Variants in PADI4 observed in about 807,000 individuals in gnomAD.
PADI4 encodes the protein protein-arginine deiminase type-4.
A neutral mutation model predicts 75.0 loss-of-function variants in PADI4; 62 were observed. The ratio of observed to expected loss-of-function variants is 0.83; its 90% CI spans 0.67 to 1.02. The LOEUF (loss-of-function observed/expected upper bound fraction) is 1.02. PADI4 is among the 50% of genes least tolerant of loss of function. The pLI, the probability that PADI4 is intolerant of heterozygous loss-of-function variation, is 0.00. For synonymous variants in PADI4, 361 were observed against 348.1 expected (o/e 1.04, Z -0.41); for missense variants, 845 against 850.5 (o/e 0.99, Z 0.08).
In PADI4 at chr1:17,346,175, C is replaced by T. The variant is rs1243852196; in HGVS notation, c.1047+36C>T. 8 of 1,416,570 alleles carry T rather than the reference C, an allele frequency of 5.6e-6. No individual in the cohort carries two copies. Among genetic ancestry groups the T allele is most frequent in the Non-Finnish European group, 8.0e-6 (8 of 1,002,522 alleles). The allele number at this position is 1,416,570 out of a possible 1,614,324, so 87.8% of individuals were successfully genotyped here. A position where few individuals can be genotyped will look rare whatever the true frequency, so the allele number is the denominator to read the frequency against. On this transcript the variant is annotated intron_variant, in intron 9 of 15. Transcript: ENST00000375448. The surrounding 1 kb of genome is among the most constrained non-coding windows in gnomAD (Gnocchi z 4.3). ...TGCGGGGCAGGCAGGGTGACTGTCC[C>T]TGAGGGCCAAGAGACACTTGGGGGA...
In PADI4 at chr1:17,347,991, G is replaced by A; in HGVS notation, c.1098G>A (p.Val366=). The change falls in exon 10 of 16, where the codon GTG becomes GTA. Residue 366 remains valine, a synonymous_variant. Transcript: ENST00000375448. Reference sequence around the variant, plus strand: ...AAGCCCCACACAAAACGCTGCCCGTGGTCTTCGACTCTCCAAGGAACAGAG... The same window carrying A: ...AAGCCCCACACAAAACGCTGCCCGTAGTCTTCGACTCTCCAAGGAACAGAG... The part of the protein sequence containing the change: ...YIQAPHKTLP[V]VFDSPRNRGL... The A allele has an allele frequency of 6.2e-7, 1 of 1,608,334 alleles. No individual in the cohort carries two copies. Among genetic ancestry groups the A allele is most frequent in the Non-Finnish European group, 8.5e-7 (1 of 1,176,370 alleles).
chr1:17,312,939 C>A (rs1436682433), intron 1 of PADI4, among the ~76,000 whole-genome samples: 2 of 151,148 alleles, frequency 1.3e-5, no homozygotes, highest in African/African-American at 4.9e-5. Flanking sequence ...CGCCTGTAAT[C>A]CCAACACTTT....
chr1:17,316,707 A>AATT (rs1489448760), intron 1 of PADI4, among the ~76,000 whole-genome samples: 293 of 148,216 alleles, frequency 2.0e-3, no homozygotes, highest in African/African-American at 4.1e-3. Flanking sequence ...ATAAATAAAT[A>AATT]AATTAATTAA....
intron 10 of PADI4, among the ~76,000 whole-genome samples, chr1:17,352,157 G>A (rs1303976179): frequency 1.3e-5 from 2 of 149,584 alleles, no homozygotes; most frequent in Non-Finnish European, 3.0e-5. Context: ...AGGCAATCAG[G>A]GAGGTGATGA....
At chr1:17,334,070 C>T (rs2100712463) in intron 3 of PADI4, 61 bp downstream of exon 3, 1 of 1,038,012 alleles carries the variant, frequency 9.6e-7, no homozygotes, top group Non-Finnish European at 1.5e-6. Context: ...CTAATCCCTG[C>T]AGGATGTCTC....
Position 17,354,567 on chromosome 1 carries a change from A to G in PADI4, c.1190A>G (p.Gln397Arg), listed in dbSNP as rs749643509. 1 of 1,614,120 alleles carries G rather than the reference A, an allele frequency of 6.2e-7. No individual in the cohort carries two copies. Among genetic ancestry groups the G allele is most frequent in the South Asian group, 1.1e-5 (1 of 91,076 alleles). ...TTTGGCTATGTAACTCGAGGGCCCC[A>G]AACAGGGGGTATCAGTGGACTGGAC... The part of the protein sequence containing the change: ...PDFGYVTRGP[Q>R]TGGISGLDSF... The change falls in exon 11 of 16, where the codon CAA becomes CGA. Residue 397 changes from glutamine to arginine, a missense_variant. Gln to Arg is a conservative substitution (Grantham distance 43). Transcript: ENST00000375448.
rs1453941972 is a variant in PADI4, at chr1:17,356,733, T to TGGA, written c.1558+280_1558+282dup. Among the ~76,000 whole-genome samples, 3 of 149,366 alleles carry TGGA rather than the reference T, an allele frequency of 2.0e-5. No individual in the cohort carries two copies. Among genetic ancestry groups the TGGA allele is most frequent in the Non-Finnish European group, 4.4e-5 (3 of 67,728 alleles). ...TGGATGGAGCTCAGGGAAGGCTTCTTGGAGGAGGCAGAGGCCAAGCAGTAG... is the reference window on the plus strand; with the variant it reads ...TGGATGGAGCTCAGGGAAGGCTTCTTGGAGGAGGAGGCAGAGGCCAAGCAGTAG... On this transcript the variant is annotated intron_variant, in intron 13 of 15. Coordinates refer to ENST00000375448, the MANE Select transcript of PADI4 (RefSeq NM_012387.3). This position sits in a 1 kb window ranked among gnomAD's most constrained non-coding sequence, Gnocchi z 4.1.
chr1:17,334,580 G>A (rs562753668), intron 3 of PADI4: 8 of 455,944 alleles, frequency 1.8e-5, no homozygotes, highest in South Asian at 1.1e-4. Flanking sequence ...TCGGATTACT[G>A]GCATGAACCA....
chr1:17,326,808 G>A lies in PADI4; in HGVS notation c.93-4161G>A, dbSNP rs561317685. 4.6e-5 allele frequency among the ~76,000 whole-genome samples: 7 copies of A among 151,594 alleles called. No homozygotes were observed. The East Asian group carries it at 1.2e-3, about 25-fold the overall frequency. ...ATTTTTATCTGCTTAATCTATTGTTGATTGAGAAAGAAGAGTTGAAATCTT... is the reference window on the plus strand; with the variant it reads ...ATTTTTATCTGCTTAATCTATTGTTAATTGAGAAAGAAGAGTTGAAATCTT... On this transcript the variant is annotated intron_variant, in intron 1 of 15. Coordinates refer to ENST00000375448, the MANE Select transcript of PADI4 (RefSeq NM_012387.3).
rs532592988 is a variant in PADI4, at chr1:17,319,565, A to G, written c.92+11251A>G. 4.5e-4 allele frequency among the ~76,000 whole-genome samples: 68 copies of G among 152,324 alleles called. 1 individual carries two copies. In the South Asian group the frequency reaches 0.012, roughly 27 times the overall value. Reference sequence around the variant, plus strand: ...GACATTCAAAGACAGAGGGTGTATTAGTTTCCTATTTGTTAAAAGAAACAC... The same window carrying G: ...GACATTCAAAGACAGAGGGTGTATTGGTTTCCTATTTGTTAAAAGAAACAC... On this transcript the variant is annotated intron_variant, in intron 1 of 15. Transcript: ENST00000375448.
chr1:17,343,420 G>GT (rs1239576847), intron 8 of PADI4, among the ~76,000 whole-genome samples: 1 of 152,070 alleles, frequency 6.6e-6, no homozygotes, highest in Non-Finnish European at 1.5e-5. Flanking sequence ...TTCAGGGGCA[G>GT]AAGAGTAAGA....
At position 17,338,531 on chromosome 1, in the gene PADI4, C is replaced by T. The variant is rs570878619; in HGVS notation, c.526+376C>T. Among the ~76,000 whole-genome samples the T allele has an allele frequency of 2.6e-5, 4 of 152,294 alleles. 1 individual carries two copies. In the East Asian group the frequency reaches 5.8e-4, roughly 22 times the overall value. ...AGGCCCTGAGACCTCTGCCATAGGCCGGGCACGACTCTGACCACTTTGGAA... is the reference window on the plus strand; with the variant it reads ...AGGCCCTGAGACCTCTGCCATAGGCTGGGCACGACTCTGACCACTTTGGAA... On this transcript the variant is annotated intron_variant, in intron 5 of 15. Transcript: ENST00000375448.
chr1:17,351,977 GA>G (rs2074642710), intron 10 of PADI4, among the ~76,000 whole-genome samples: 4 of 51,874 alleles, frequency 7.7e-5, no homozygotes, highest in African/African-American at 6.4e-4. Context: ...CCAGGGAGGT[GA>G]TGGGAGGAGA....
intron 1 of PADI4, among the ~76,000 whole-genome samples, chr1:17,320,240 T>C (rs1286356744): frequency 6.7e-6 from 1 of 149,412 alleles, no homozygotes; most frequent in Non-Finnish European, 1.5e-5. Flanking sequence ...ACAGTTTCCC[T>C]GACTCAGACC....
Position 17,348,056 on chromosome 1 carries a change from C to T in PADI4, c.1155+8C>T. The T allele has an allele frequency of 1.3e-6, 2 of 1,550,482 alleles. No homozygotes were observed. Among genetic ancestry groups the T allele is most frequent in the Non-Finnish European group, 1.8e-6 (2 of 1,122,476 alleles). ...CCCATCAAACGCGTGATGGTACCTG[C>T]ATGGGGTGGGGAGGGGGCACAGCTG... On this transcript the variant is annotated splice_region_variant and intron_variant, in intron 10 of 15. Transcript: ENST00000375448.
At chr1:17,336,062 C>T in intron 3 of PADI4, 97 bp from the exon 4 acceptor site, 1 of 788,218 alleles carries the variant, frequency 1.3e-6, no homozygotes, top group Non-Finnish European at 2.2e-6. Flanking sequence ...TGGGTGCACA[C>T]AGTCCCCTGG....
intron 14 of PADI4, 115 bp downstream of exon 14, chr1:17,359,023 CA>C: frequency 1.3e-6 from 1 of 742,648 alleles, no homozygotes; most frequent in South Asian, 1.7e-5. Context: ...CGCTGGAAGA[CA>C]GAGACACAGA....
At chr1:17,328,853 C>T (rs759552378) in intron 1 of PADI4, among the ~76,000 whole-genome samples, 7 of 151,820 alleles carry the variant, frequency 4.6e-5, no homozygotes, top group Non-Finnish European at 8.8e-5. Context: ...TATTTGTTCA[C>T]GATTCTTTGT....
At chr1:17,336,421 A>G (rs956242069) in intron 4 of PADI4, among the ~76,000 whole-genome samples, 195 bp downstream of exon 4, 3 of 152,200 alleles carry the variant, frequency 2.0e-5, no homozygotes, top group East Asian at 3.9e-4. Flanking sequence ...AATTTCACCA[A>G]TTGTGGGTTC....
Sources: gnomAD v4.1 joint callset for allele counts (sites outside exome capture counted in the v4.1 genomes callset) on GRCh38, gnomAD v4.1.1 for gene constraint, Gnocchi (gnomAD v3.1) non-coding constraint, MANE v1.5 for transcripts, NCBI Gene and HGNC (gene_info 2026-07-23, HGNC 2026-07-21) for gene names.